Variants in NSA2 observed in about 807,000 individuals in gnomAD.
The protein encoded by NSA2 is NSA2 ribosome biogenesis factor.
Under a neutral mutation model 34.8 loss-of-function variants are expected in NSA2, and 18 were observed. The observed-to-expected ratio is 0.52, with a 90% CI of 0.36 to 0.77. NSA2 has a LOEUF of 0.77. NSA2 is among the 30% of genes least tolerant of loss of function. The pLI is 0.00. For missense variants in NSA2, 188 were observed against 314.7 expected, an observed-to-expected ratio of 0.60 and a Z score of 3.05; for synonymous variants, 79 against 100.2, an observed-to-expected ratio of 0.79 and a Z score of 1.26.
chr5:74,775,939 A>ATGT (rs1183896182), intron 5 of NSA2, among the ~76,000 whole-genome samples: 1 of 152,142 alleles, frequency 6.6e-6, no homozygotes, highest in East Asian at 1.9e-4. Flanking sequence ...GTTTTAAAAT[A>ATGT]TGTTGTTACC....
At chr5:74,770,880 C>T in intron 4 of NSA2, 70 bp downstream of exon 4, 2 of 1,177,420 alleles carry the variant, frequency 1.7e-6, no homozygotes, top group Non-Finnish European at 2.3e-6. Flanking sequence ...AGAACATTAT[C>T]ATTTCCTGAA....
chr5:74,775,702 G>GT, intron 5 of NSA2, among the ~76,000 whole-genome samples: 1 of 149,896 alleles, frequency 6.7e-6, no homozygotes, highest in South Asian at 2.1e-4. Flanking sequence ...AAAAAAAATT[G>GT]TAAAAAAAAA....
At chr5:74,776,298 G>A (rs1038870556) in intron 5 of NSA2, among the ~76,000 whole-genome samples, 4 of 152,064 alleles carry the variant, frequency 2.6e-5, no homozygotes, top group African/African-American at 4.8e-5. Flanking sequence ...TCAGGAGTTC[G>A]AGCCCAGCCT....
intron 4 of NSA2, among the ~76,000 whole-genome samples, chr5:74,773,487 A>T (rs560175588): frequency 1.3e-4 from 19 of 150,170 alleles, no homozygotes; most frequent in South Asian, 1.3e-3. Flanking sequence ...AAAAAAAAAA[A>T]AAATAAGCTA....
rs1285535806 is a variant in NSA2, at chr5:74,777,360, A to C, written c.*689A>C. ...TAAACAATATATTTATACTTTCAGA[A>C]TAGTATTAAGAATTAGTTTAAGTAA... On this transcript the variant is annotated 3_prime_UTR_variant, in exon 6 of 6. Coordinates refer to ENST00000610426, the MANE Select transcript of NSA2 (RefSeq NM_014886.6). The C allele has an allele frequency of 1.3e-5, 2 of 152,176 alleles. No individual in the cohort carries two copies. Among genetic ancestry groups the C allele is most frequent in the Non-Finnish European group, 2.9e-5 (2 of 67,984 alleles). 9.4% of individuals were successfully genotyped at this position (152,176 alleles called of 1,614,324 possible). A position where few individuals can be genotyped will look rare whatever the true frequency, so the allele number is the denominator to read the frequency against.
intron 4 of NSA2, among the ~76,000 whole-genome samples, chr5:74,772,580 A>T (rs984989446): frequency 2.6e-5 from 4 of 152,216 alleles, no homozygotes; most frequent in Non-Finnish European, 5.9e-5. Flanking sequence ...GACAAAGCCT[A>T]AAGTGTTTAC....
Position 74,779,822 on chromosome 5 carries a change from C to T in NSA2, c.*3151C>T, listed in dbSNP as rs1336359393. On this transcript the variant is annotated 3_prime_UTR_variant, in exon 6 of 6. Transcript: ENST00000610426. ...TAAGATTTTAACTTGATCGAAAATA[C>T]CAACATCCCCAAACAAAATTTACTG... 1 of 152,112 alleles carries T rather than the reference C, an allele frequency of 6.6e-6. No homozygotes were observed. The highest frequency in any genetic ancestry group is 2.4e-5 in the African/African-American group (1 of 41,424). 9.4% of individuals were successfully genotyped at this position (152,112 alleles called of 1,614,324 possible).
At chr5:74,773,346 A>AG (rs1396225257) in intron 4 of NSA2, among the ~76,000 whole-genome samples, 76 of 151,932 alleles carry the variant, frequency 5.0e-4, no homozygotes, top group African/African-American at 1.8e-3. Flanking sequence ...AAAAAAAAAA[A>AG]ACTTTTCAGA....
rs781010921 is a variant in NSA2 at position 74,774,015 on chromosome 5, G to A, written c.670G>A (p.Val224Met). The change falls in exon 5 of 6, where the codon GTG becomes ATG. Residue 224 changes from valine (V) to methionine (M), a missense_variant. Coordinates refer to ENST00000610426, the MANE Select transcript of NSA2 (RefSeq NM_014886.6). ...CAAAGGTACTGTCATTGAAGTAAAT[G>A]TGAGCGAATTGGGCCTTGTGACACA... ...ITKGTVIEVN[V>M]SELGLVTQGG... The A allele has an allele frequency of 1.4e-5, 23 of 1,614,058 alleles. No individual in the cohort carries two copies. The highest frequency in any genetic ancestry group is 2.2e-5 in the East Asian group (1 of 44,870).
At chr5:74,776,146 G>A (rs920626760) in intron 5 of NSA2, among the ~76,000 whole-genome samples, 15 of 152,132 alleles carry the variant, frequency 9.9e-5, no homozygotes, top group African/African-American at 3.4e-4. Flanking sequence ...ATTGAATTTT[G>A]TAAAATCTCA....
At chr5:74,768,847 T>C in intron 1 of NSA2, 84 bp from the exon 2 acceptor site, 1 of 919,038 alleles carries the variant, frequency 1.1e-6, no homozygotes, top group South Asian at 2.0e-5. Flanking sequence ...TGAAACAGGG[T>C]CTTTGTGCTG....
intron 5 of NSA2, among the ~76,000 whole-genome samples, chr5:74,775,356 CTA>C (rs1390726972): frequency 6.6e-6 from 1 of 152,050 alleles, no homozygotes; most frequent in Non-Finnish European, 1.5e-5. Context: ...TGGCTGACAC[CTA>C]TAATCCCAGC....
At chr5:74,769,142 A>G (rs757496640) in intron 2 of NSA2, 24 bp downstream of exon 2, 2 of 1,596,052 alleles carry the variant, frequency 1.3e-6, no homozygotes, top group Admixed American at 1.8e-5. Context: ...TTTATTTGTC[A>G]TAACAAGTTA....
Position 74,776,896 on chromosome 5 carries a change from A to G in NSA2, c.*225A>G. On this transcript the variant is annotated 3_prime_UTR_variant, in exon 6 of 6. Transcript: ENST00000610426. ...TGATTGAAAAAAAGCAAATATACAA[A>G]TATCCTACTTCATCAATATCTGCAT... The G allele has an allele frequency of 5.6e-6, 2 of 358,128 alleles. No homozygotes were observed. Among genetic ancestry groups the G allele is most frequent in the Non-Finnish European group, 1.0e-5 (2 of 196,658 alleles). 22.2% of individuals were successfully genotyped at this position (358,128 alleles called of 1,614,324 possible).
chr5:74,774,339 G>A (rs1463254084), intron 5 of NSA2, among the ~76,000 whole-genome samples: 10 of 152,122 alleles, frequency 6.6e-5, no homozygotes, highest in Non-Finnish European at 5.9e-5. Flanking sequence ...AGCAGCTCAC[G>A]CATGTAAATC....
intron 4 of NSA2, among the ~76,000 whole-genome samples, chr5:74,772,924 G>T (rs1744993392): frequency 6.6e-6 from 1 of 152,140 alleles, no homozygotes; most frequent in South Asian, 2.1e-4. Flanking sequence ...CACCCTAAAA[G>T]ACCTTATTAG....
At chr5:74,769,863 C>T (rs189169067) in intron 3 of NSA2, among the ~76,000 whole-genome samples, 350 of 152,212 alleles carry the variant, frequency 2.3e-3, no homozygotes, top group African/African-American at 8.2e-3. Context: ...TACACTATTT[C>T]AGTTTTTTCA....
At chr5:74,776,538 C>A in intron 5 of NSA2, 66 bp from the exon 6 acceptor site, 1 of 845,762 alleles carries the variant, frequency 1.2e-6, no homozygotes, top group East Asian at 2.4e-5. Flanking sequence ...AAGTTATATT[C>A]TTTAAAATTA....
chr5:74,768,127 G>C (rs1744768166), intron 1 of NSA2, among the ~76,000 whole-genome samples: 1 of 152,182 alleles, frequency 6.6e-6, no homozygotes, highest in Non-Finnish European at 1.5e-5. Context: ...TTTGGAAAAC[G>C]GTCTGGCAGT....
Sources: gnomAD v4.1 joint callset for allele counts (sites outside exome capture counted in the v4.1 genomes callset) on GRCh38, gnomAD v4.1.1 for gene constraint, MANE v1.5 for transcripts, NCBI Gene and HGNC (gene_info 2026-07-23, HGNC 2026-07-21) for gene names.